The following DNAJC6 variants were observed in gnomAD, a reference collection of about 807,000 sequenced individuals.
DNAJC6 encodes DnaJ heat shock protein family (Hsp40) member C6.
In DNAJC6, 34 loss-of-function variants were observed where a neutral mutation model predicts 110.0. The observed-to-expected ratio is 0.31, with a 90% CI of 0.24 to 0.41. The LOEUF (loss-of-function observed/expected upper bound fraction) is 0.41. DNAJC6 is among the 10% of genes least tolerant of loss of function. The pLI is 1.00. For synonymous variants in DNAJC6, 406 were observed against 437.2 expected, an observed-to-expected ratio of 0.93 and a Z score of 0.89; for missense variants, 1,031 against 1,207.8, an observed-to-expected ratio of 0.85 and a Z score of 2.17.
Position 65,413,286 on chromosome 1 carries a change from T to A in DNAJC6, c.*261T>A, listed in dbSNP as rs1447905501. On this transcript the variant is annotated 3_prime_UTR_variant, in exon 19 of 19. Transcript: ENST00000371069. ...GAACCACCGCATTCCACCCTGCCCT[T>A]TGGGGAGCCTACTCAGCATTCTACC... is the stretch of plus-strand genomic sequence containing the variant. 2 of 371,094 alleles carry A rather than the reference T, an allele frequency of 5.4e-6. No homozygotes were observed. Among genetic ancestry groups the A allele is most frequent in the Non-Finnish European group, 9.9e-6 (2 of 202,728 alleles). The allele number at this position is 371,094 out of a possible 1,614,324, so 23.0% of individuals were successfully genotyped here.
intron 1 of DNAJC6, among the ~76,000 whole-genome samples, chr1:65,300,651 T>G (rs1295475819): frequency 6.6e-6 from 1 of 152,196 alleles, no homozygotes; most frequent in East Asian, 1.9e-4. Context: ...TTTTATCTCT[T>G]TGGGTATGGT....
At chr1:65,395,140 C>T in intron 13 of DNAJC6, 108 bp downstream of exon 13, 1 of 1,178,368 alleles carries the variant, frequency 8.5e-7, no homozygotes, top group Non-Finnish European at 1.1e-6. Context: ...ATAAAAGCTT[C>T]CTCACACATC....
chr1:65,305,358 A>G (rs886731904), upstream of DNAJC6, among the ~76,000 whole-genome samples: 1 of 152,260 alleles, frequency 6.6e-6, no homozygotes, highest in African/African-American at 2.4e-5. Context: ...ATACATTTAT[A>G]TCATTACTGA....
intron 1 of DNAJC6, among the ~76,000 whole-genome samples, 187 bp downstream of exon 1, chr1:65,310,125 A>G (rs1288932337): frequency 6.6e-6 from 1 of 150,414 alleles, no homozygotes; most frequent in African/African-American, 2.5e-5. Context: ...GAGCTACGAA[A>G]CGTTAGATCA....
At chr1:65,369,274 G>A (rs999270764) in intron 4 of DNAJC6, among the ~76,000 whole-genome samples, 9 of 152,280 alleles carry the variant, frequency 5.9e-5, no homozygotes, top group South Asian at 2.1e-4. Context: ...TCCCAAAGCC[G>A]TAGTATTTCC....
chr1:65,294,163 G>C (rs1644906285), intron 1 of DNAJC6, among the ~76,000 whole-genome samples: 1 of 152,188 alleles, frequency 6.6e-6, no homozygotes, highest in Non-Finnish European at 1.5e-5. Flanking sequence ...CTTGAAACCT[G>C]ACTTGTGAAC....
Position 65,400,155 on chromosome 1 carries a change from C to G in DNAJC6, c.2107+1274C>G, listed in dbSNP as rs79354358. Among the ~76,000 whole-genome samples the G allele has an allele frequency of 9.7e-3, 1,476 of 152,120 alleles. 25 individuals are homozygous for G. Among genetic ancestry groups the G allele is most frequent in the African/African-American group, 0.034 (1,423 of 41,486 alleles). On this transcript the variant is annotated intron_variant, in intron 14 of 18. Transcript: ENST00000371069. The stretch of plus-strand genomic sequence containing the variant: ...AGATCACACCACTGCACTCCAGCCT[C>G]GGTGACAGAGTGAGAAACCTGTCTC...
chr1:65,281,539 C>A (rs1653843789), intron 1 of DNAJC6, among the ~76,000 whole-genome samples: 1 of 152,098 alleles, frequency 6.6e-6, no homozygotes, highest in African/African-American at 2.4e-5. Flanking sequence ...CTTCACTTAG[C>A]GTAGTGGTTA....
intron 1 of DNAJC6, among the ~76,000 whole-genome samples, chr1:65,313,806 C>T (rs1286410600): frequency 6.6e-6 from 1 of 152,210 alleles, no homozygotes; most frequent in Non-Finnish European, 1.5e-5. Flanking sequence ...TCTGCCTTCC[C>T]TGGCTCACTT....
Position 65,386,943 on chromosome 1 carries a change from A to G in DNAJC6, c.1113+14A>G. 6.3e-7 allele frequency: 1 copy of G among 1,599,880 alleles called. No homozygotes were observed. The highest frequency in any genetic ancestry group is 8.6e-7 in the Non-Finnish European group (1 of 1,167,190). ...CTACAGGCTAAGGTATGGTTTTTGGAAGAATCATGGCATAAGTTCATCTGA... is the reference window on the plus strand; with the variant it reads ...CTACAGGCTAAGGTATGGTTTTTGGGAGAATCATGGCATAAGTTCATCTGA... On this transcript the variant is annotated intron_variant, in intron 8 of 18. Coordinates refer to ENST00000371069, the MANE Select transcript of DNAJC6 (RefSeq NM_001256864.2).
chr1:65,344,262 G>A (rs183036807), intron 1 of DNAJC6, among the ~76,000 whole-genome samples: 1 of 152,292 alleles, frequency 6.6e-6, no homozygotes, highest in Non-Finnish European at 1.5e-5. Flanking sequence ...TCAAAGATAG[G>A]ATGATGATAA....
chr1:65,374,872 A>G (rs1645744563), intron 4 of DNAJC6, among the ~76,000 whole-genome samples: 1 of 152,104 alleles, frequency 6.6e-6, no homozygotes, highest in Non-Finnish European at 1.5e-5. Context: ...TTTAGAGGAA[A>G]GGCCTTCAAT....
chr1:65,396,727 T>C (rs1417724209), intron 13 of DNAJC6, among the ~76,000 whole-genome samples: 3 of 152,196 alleles, frequency 2.0e-5, no homozygotes, highest in Non-Finnish European at 4.4e-5. Context: ...TTGTCATCTC[T>C]CTCTCTCTAT....
In DNAJC6 at chr1:65,364,622, T is replaced by C. The variant is rs765899995; in HGVS notation, c.194-13T>C. Reference sequence around the variant, plus strand: ...ACCATTTTTGTTTGTTTGTTTTTTTTTTTTTTTGGCAGGTGCCTCATCTCC... The same window carrying C: ...ACCATTTTTGTTTGTTTGTTTTTTTCTTTTTTTGGCAGGTGCCTCATCTCC... On this transcript the variant is annotated splice_polypyrimidine_tract_variant and intron_variant, in intron 1 of 18. Transcript: ENST00000371069. The C allele has an allele frequency of 9.8e-6, 15 of 1,533,940 alleles. 1 individual carries two copies. The highest frequency in any genetic ancestry group is 7.0e-5 in the African/African-American group (5 of 71,640).
intron 11 of DNAJC6, among the ~76,000 whole-genome samples, chr1:65,391,290 A>G (rs1645923346): frequency 6.6e-6 from 1 of 152,162 alleles, no homozygotes; most frequent in Non-Finnish European, 1.5e-5. Context: ...TTTCCTTTTC[A>G]TAGCTTATTA....
At chr1:65,311,336 T>C (rs946497933) in intron 1 of DNAJC6, among the ~76,000 whole-genome samples, 10 of 147,004 alleles carry the variant, frequency 6.8e-5, no homozygotes, top group Middle Eastern at 3.3e-3. Flanking sequence ...GCGATTCTCC[T>C]GCCTCAGCCT....
At position 65,392,480 on chromosome 1, in the gene DNAJC6, G is replaced by A; in HGVS notation, c.1518G>A (p.Val506=). Residue 506 remains valine, a synonymous_variant, in exon 12 of 19, where the codon GTG becomes GTA. Transcript: ENST00000371069. ...GTGAGGAGGACCACGCTGCCCTAGT[G>A]AATCAGGAAAGTGAGCAATCAGATG... ...SFCEEDHAAL[V]NQESEQSDDE... The A allele has an allele frequency of 6.2e-7, 1 of 1,613,350 alleles. No individual in the cohort carries two copies. The highest frequency in any genetic ancestry group is 1.3e-5 in the African/African-American group (1 of 75,030).
At chr1:65,391,244 C>T (rs913020899) in intron 11 of DNAJC6, among the ~76,000 whole-genome samples, 1 of 152,162 alleles carries the variant, frequency 6.6e-6, no homozygotes, top group Admixed American at 6.5e-5. Context: ...TGTCAGTTTT[C>T]CACCAACTGA....
chr1:65,379,542 G>A lies in DNAJC6; in HGVS notation c.666+18G>A, dbSNP rs752113204. 1 of 1,613,550 alleles carries A rather than the reference G, an allele frequency of 6.2e-7. No individual in the cohort carries two copies. The highest frequency in any genetic ancestry group is 8.5e-7 in the Non-Finnish European group (1 of 1,179,708). On this transcript the variant is annotated intron_variant, in intron 5 of 18. Coordinates refer to ENST00000371069, the MANE Select transcript of DNAJC6 (RefSeq NM_001256864.2). ...ACTGCTTGGTGAGTAACCTTTTGTT[G>A]TTGGTGGTGATGGTTTGGTTTGGTC...
Sources: allele counts gnomAD v4.1 joint callset (sites outside exome capture counted in the v4.1 genomes callset), GRCh38; gene constraint gnomAD v4.1.1; transcripts MANE v1.5; gene names NCBI Gene and HGNC (gene_info 2026-07-23, HGNC 2026-07-21).